SGCG: variants seen among roughly 807,000 people sequenced by gnomAD.
SGCG encodes the protein gamma-sarcoglycan.
Under a neutral mutation model 29.3 loss-of-function variants are expected in SGCG, and 26 were observed. The observed-to-expected ratio is 0.89, with a 90% CI of 0.65 to 1.23. The LOEUF is 1.23. Among genes scored for constraint, SGCG ranks in the 50% most tolerant of loss-of-function variants. The pLI is 0.00. For synonymous variants in SGCG, 145 were observed against 129.7 expected, an observed-to-expected ratio of 1.12 and a Z score of -0.80; for missense variants, 353 against 356.0, an observed-to-expected ratio of 0.99 and a Z score of 0.07.
chr13:23,324,577 G>A lies in SGCG; in HGVS notation c.*36G>A, dbSNP rs752771653. ...TCCTCTCGGTGAGCTGTGCAGTGCC[G>A]GCCCCAGATCCTCACACCCAGGGAG... On this transcript the variant is annotated 3_prime_UTR_variant, in exon 8 of 8. Coordinates refer to ENST00000218867, the MANE Select transcript of SGCG (RefSeq NM_000231.3). 6.3e-7 allele frequency: 1 copy of A among 1,582,178 alleles called. No individual in the cohort carries two copies. Among genetic ancestry groups the A allele is most frequent in the South Asian group, 1.1e-5 (1 of 90,248 alleles).
At chr13:23,167,968 C>T in the SGCG span, among the ~76,000 whole-genome samples, 1 of 152,154 alleles carries the variant, frequency 6.6e-6, no homozygotes, top group East Asian at 1.9e-4. Flanking sequence ...AACTCTTGAC[C>T]TCAGATGATC....
chr13:23,174,886 T>C, the SGCG span, among the ~76,000 whole-genome samples: 34 of 151,614 alleles, frequency 2.2e-4, no homozygotes, highest in Admixed American at 6.6e-4. Flanking sequence ...TGGAATGGAA[T>C]GGAATCAGCT....
intron 5 of SGCG, among the ~76,000 whole-genome samples, chr13:23,290,583 A>C (rs533396258): frequency 6.6e-6 from 1 of 152,314 alleles, no homozygotes; most frequent in East Asian, 1.9e-4. Context: ...GGCAGGTTGA[A>C]GTGGTTACAA....
intron 6 of SGCG, among the ~76,000 whole-genome samples, chr13:23,316,719 G>A (rs949275595): frequency 1.3e-5 from 2 of 152,124 alleles, no homozygotes; most frequent in African/African-American, 4.8e-5. Flanking sequence ...CTGTTCCTGC[G>A]ACATTACGTT....
intron 2 of SGCG, among the ~76,000 whole-genome samples, chr13:23,224,725 C>G (rs974649853): frequency 4.7e-5 from 7 of 150,514 alleles, no homozygotes; most frequent in African/African-American, 1.7e-4. Context: ...TACATTTTTT[C>G]CTACTAAGCC....
intron 2 of SGCG, among the ~76,000 whole-genome samples, chr13:23,214,693 G>GAT (rs1470596297): frequency 6.6e-6 from 1 of 152,114 alleles, no homozygotes; most frequent in Non-Finnish European, 1.5e-5. Flanking sequence ...TCAGCAGTGT[G>GAT]ATATTGATGC....
intron 4 of SGCG, among the ~76,000 whole-genome samples, chr13:23,270,811 G>A (rs530077848): frequency 1.3e-5 from 2 of 152,198 alleles, no homozygotes; most frequent in African/African-American, 4.8e-5. Flanking sequence ...GTGTTTGTAT[G>A]ATTTCACTTT....
In SGCG at chr13:23,205,104, A is replaced by C. The variant is rs1048589001; in HGVS notation, c.195+1215A>C. On this transcript the variant is annotated intron_variant, in intron 2 of 7. Coordinates refer to ENST00000218867, the MANE Select transcript of SGCG (RefSeq NM_000231.3). ...TTACATATATTATAAATACATGAAC[A>C]ATTATATAAATATATTCAAATTAAT... Among the ~76,000 whole-genome samples the C allele has an allele frequency of 2.6e-5, 4 of 152,168 alleles. No homozygotes were observed. The East Asian group carries it at 7.7e-4, about 29-fold the overall frequency.
At chr13:23,192,743 A>G (rs1374001477) in intron 1 of SGCG, among the ~76,000 whole-genome samples, 1 of 152,248 alleles carries the variant, frequency 6.6e-6, no homozygotes. Context: ...ATGAAGTATG[A>G]GTAAAGATAG....
At chr13:23,198,290 G>A (rs1236278886) in intron 1 of SGCG, among the ~76,000 whole-genome samples, 1 of 152,134 alleles carries the variant, frequency 6.6e-6, no homozygotes, top group Non-Finnish European at 1.5e-5. Context: ...GACAATAAAT[G>A]TTGGTTGAAA....
chr13:23,254,301 C>T (rs1189259281), intron 4 of SGCG, among the ~76,000 whole-genome samples: 2 of 152,028 alleles, frequency 1.3e-5, no homozygotes, highest in South Asian at 4.2e-4. Context: ...GAAATGAGGA[C>T]GTTATTGGGA....
chr13:23,284,648 G>T (rs1311155303), intron 5 of SGCG, among the ~76,000 whole-genome samples: 1 of 152,116 alleles, frequency 6.6e-6, no homozygotes, highest in South Asian at 2.1e-4. Context: ...TTGTTCCCTT[G>T]CTGGCAAGGA....
intron 1 of SGCG, among the ~76,000 whole-genome samples, chr13:23,201,980 G>A (rs140583725): frequency 4.6e-5 from 7 of 152,274 alleles, no homozygotes; most frequent in African/African-American, 1.7e-4. Context: ...GTCCAGAGAG[G>A]GAGGCTGCTT....
chr13:23,239,740 G>A (rs943153366), intron 3 of SGCG, among the ~76,000 whole-genome samples: 2 of 152,114 alleles, frequency 1.3e-5, no homozygotes, highest in African/African-American at 2.4e-5. Flanking sequence ...CACATCACAC[G>A]TGAGTGGCAA....
intron 1 of SGCG, among the ~76,000 whole-genome samples, chr13:23,183,465 C>T (rs1395282642): frequency 6.6e-6 from 1 of 152,000 alleles, no homozygotes; most frequent in Non-Finnish European, 1.5e-5. Flanking sequence ...GTTCTCTGCA[C>T]GCAGCCATGG....
chr13:23,280,472 A>G (rs1056276874), intron 5 of SGCG, among the ~76,000 whole-genome samples: 4 of 152,192 alleles, frequency 2.6e-5, no homozygotes, highest in African/African-American at 9.6e-5. Flanking sequence ...AACTATAAAG[A>G]TCATAACCTA....
Position 23,249,702 on chromosome 13 carries a change from TG to T in SGCG, c.298-926del, listed in dbSNP as rs558719601. Among the ~76,000 whole-genome samples the T allele has an allele frequency of 4.2e-3, 643 of 152,278 alleles. 1 individual carries two copies. Among genetic ancestry groups the T allele is most frequent in the South Asian group, 7.3e-3 (35 of 4,826 alleles). On this transcript the variant is annotated intron_variant, in intron 3 of 7. Coordinates refer to ENST00000218867, the MANE Select transcript of SGCG (RefSeq NM_000231.3). ...AAATTTGACTCAGGAAAATTGATCT[TG>T]GTAGAAATGTGATCAACAAAGAAAA... is the stretch of plus-strand genomic sequence containing the variant.
At chr13:23,304,187 G>A (rs1387285707) in intron 6 of SGCG, among the ~76,000 whole-genome samples, 1 of 151,994 alleles carries the variant, frequency 6.6e-6, no homozygotes, top group African/African-American at 2.4e-5. Flanking sequence ...AGCTTCAGTT[G>A]GTTTTTGACT....
At chr13:23,244,830 A>C (rs1256759936) in intron 3 of SGCG, 1 of 152,140 alleles carries the variant, frequency 6.6e-6, no homozygotes, top group Non-Finnish European at 1.5e-5. Flanking sequence ...TAAAGAGTTG[A>C]AAAAAGGAGG....
Sources: gnomAD v4.1 joint callset for allele counts (sites outside exome capture counted in the v4.1 genomes callset) on GRCh38, gnomAD v4.1.1 for gene constraint, MANE v1.5 for transcripts, NCBI Gene and HGNC (gene_info 2026-07-23, HGNC 2026-07-21) for gene names.